The following FGF12 variants were observed in gnomAD, a reference collection of about 807,000 sequenced individuals.
FGF12 encodes the protein fibroblast growth factor 12B.
FGF12 carries 14 observed loss-of-function variants against 23.6 expected under a neutral mutation model. The ratio of observed to expected loss-of-function variants is 0.59; its 90% CI spans 0.39 to 0.93. FGF12 has a LOEUF of 0.93. Among genes scored for constraint, FGF12 ranks in the 40% least tolerant of loss-of-function variants. FGF12 has a pLI of 0.00. For missense variants in FGF12, 175 were observed against 217.8 expected, an observed-to-expected ratio of 0.80 and a Z score of 1.24; for synonymous variants, 62 against 77.3, an observed-to-expected ratio of 0.80 and a Z score of 1.04.
At chr3:192,246,929 A>G (rs770432128) in intron 4 of FGF12, among the ~76,000 whole-genome samples, 1 of 90,730 alleles carries the variant, frequency 1.1e-5, no homozygotes, top group Non-Finnish European at 1.8e-5. Context: ...AGAAAGAAAG[A>G]AAGAAGGAAA....
intron 4 of FGF12, among the ~76,000 whole-genome samples, chr3:192,331,098 G>A (rs1277081182): frequency 6.6e-6 from 1 of 151,978 alleles, no homozygotes; most frequent in Non-Finnish European, 1.5e-5. Flanking sequence ...TGACTAGCAG[G>A]TATGTTAAAA....
intron 4 of FGF12, among the ~76,000 whole-genome samples, chr3:192,290,588 A>G (rs1714702239): frequency 6.6e-6 from 1 of 152,196 alleles, no homozygotes; most frequent in African/African-American, 2.4e-5. Context: ...AACACCTAGC[A>G]TGCTACCTGA....
Position 192,360,416 on chromosome 3 carries a change from A to AT in FGF12, c.124+11_124+12insA. On this transcript the variant is annotated intron_variant, in intron 3 of 5. Transcript: ENST00000445105. This position sits in a 1 kb window ranked among gnomAD's most constrained non-coding sequence, Gnocchi z 4.3. ...ATTTGTAATCAGATTGTAAGAAGCT[A>AT]ATGTTTCTTACTGTAGTCGCTGTTT... 6.5e-7 allele frequency: 1 copy of AT among 1,527,808 alleles called. No homozygotes were observed. The allele number at this position is 1,527,808 out of a possible 1,614,324, so 94.6% of individuals were successfully genotyped here. A position where few individuals can be genotyped will look rare whatever the true frequency, so the allele number is the denominator to read the frequency against.
chr3:192,329,800 T>C (rs553544146), intron 4 of FGF12, among the ~76,000 whole-genome samples: 1 of 152,208 alleles, frequency 6.6e-6, no homozygotes, highest in Non-Finnish European at 1.5e-5. Context: ...TAAAAGGCAC[T>C]GTCTATGTAT....
intron 2 of FGF12, among the ~76,000 whole-genome samples, chr3:192,668,492 C>A (rs1237975919): frequency 1.3e-5 from 2 of 152,074 alleles, no homozygotes; most frequent in Non-Finnish European, 2.9e-5. Context: ...AGAGTTCTTC[C>A]CACTCTCCTA....
At chr3:192,275,540 C>G (rs906963445) in intron 4 of FGF12, among the ~76,000 whole-genome samples, 2 of 152,050 alleles carry the variant, frequency 1.3e-5, no homozygotes, top group Non-Finnish European at 2.9e-5. Context: ...GTAATTTTGT[C>G]TTTAGAATTA....
intron 2 of FGF12, among the ~76,000 whole-genome samples, chr3:192,703,385 A>T (rs1718366010): frequency 6.6e-6 from 1 of 152,226 alleles, no homozygotes; most frequent in Admixed American, 6.5e-5. Context: ...GCTAACAATC[A>T]TCTGAGCCTT....
rs147917439 is a variant in FGF12, at chr3:192,642,424, T to C, written c.13+84757A>G. On this transcript the variant is annotated intron_variant, in intron 2 of 5. Coordinates refer to ENST00000445105, the MANE Select transcript of FGF12 (RefSeq NM_004113.6). Reference sequence around the variant, plus strand: ...GATACAAGATAATCACAGCTGAGATTAGAGAAGCCAAAACATAATAAAGGA... The same window carrying C: ...GATACAAGATAATCACAGCTGAGATCAGAGAAGCCAAAACATAATAAAGGA... Among the ~76,000 whole-genome samples the C allele has an allele frequency of 7.2e-5, 11 of 152,270 alleles. No homozygotes were observed. In the East Asian group the frequency reaches 1.9e-3, roughly 27 times the overall value.
At chr3:192,257,479 G>A (rs4687302) in intron 4 of FGF12, among the ~76,000 whole-genome samples, 50,008 of 151,710 alleles carry the variant, frequency 0.33, 9,419 homozygotes, top group East Asian at 0.89. Flanking sequence ...GTAATTTCTC[G>A]GAAACCCTTA....
At chr3:192,559,824 A>T (rs559248928) in intron 2 of FGF12, among the ~76,000 whole-genome samples, 1 of 105,750 alleles carries the variant, frequency 9.5e-6, no homozygotes, top group Non-Finnish European at 1.9e-5. Flanking sequence ...CTCCTCTAAA[A>T]ACTAAAGTTC....
In FGF12 at chr3:192,360,567, T is replaced by G. The variant is rs1452376457; in HGVS notation, c.14-29A>C. 2 of 1,504,272 alleles carry G rather than the reference T, an allele frequency of 1.3e-6. No homozygotes were observed. The highest frequency in any genetic ancestry group is 1.7e-5 in the Admixed American group (1 of 59,772). The allele number at this position is 1,504,272 out of a possible 1,614,324, so 93.2% of individuals were successfully genotyped here. A position where few individuals can be genotyped will look rare whatever the true frequency, so the allele number is the denominator to read the frequency against. On this transcript the variant is annotated intron_variant, in intron 2 of 5. Coordinates refer to ENST00000445105, the MANE Select transcript of FGF12 (RefSeq NM_004113.6). The surrounding 1 kb of genome is among the most constrained non-coding windows in gnomAD (Gnocchi z 4.3). ...CAAAACAAAATAATTATTCAAATTT[T>G]TATTTGGCTTACACAAATGCACACT...
chr3:192,155,572 A>T (rs891015626), intron 5 of FGF12, among the ~76,000 whole-genome samples: 1 of 152,186 alleles, frequency 6.6e-6, no homozygotes, highest in Non-Finnish European at 1.5e-5. Flanking sequence ...ATAAATTAAG[A>T]ATTACTAATG....
intron 5 of FGF12, among the ~76,000 whole-genome samples, chr3:192,165,828 G>A (rs1275323807): frequency 6.6e-6 from 1 of 152,120 alleles, no homozygotes; most frequent in Non-Finnish European, 1.5e-5. Context: ...CAGAGGTTAC[G>A]TGACATCAGG....
At chr3:192,544,678 G>C (rs1725453120) in intron 2 of FGF12, among the ~76,000 whole-genome samples, 1 of 151,890 alleles carries the variant, frequency 6.6e-6, no homozygotes, top group African/African-American at 2.4e-5. Context: ...ATAGAAGTAG[G>C]GTCTGGATTT....
chr3:192,474,897 A>AAAG (rs747399419), intron 2 of FGF12, among the ~76,000 whole-genome samples: 316 of 149,182 alleles, frequency 2.1e-3, no homozygotes, highest in Middle Eastern at 3.4e-3. Context: ...AAAAAAAAAA[A>AAAG]AAAGAAAGAA....
intron 4 of FGF12, among the ~76,000 whole-genome samples, chr3:192,214,671 A>C (rs1718099018): frequency 6.6e-6 from 1 of 152,222 alleles, no homozygotes; most frequent in South Asian, 2.1e-4. Flanking sequence ...GCAAATTGGT[A>C]ATTGACATGT....
intron 2 of FGF12, among the ~76,000 whole-genome samples, chr3:192,560,391 T>C (rs955420786): frequency 6.6e-6 from 1 of 151,428 alleles, no homozygotes; most frequent in Non-Finnish European, 1.5e-5. Flanking sequence ...CAAACAATAT[T>C]GGAAAATTTA....
intron 4 of FGF12, among the ~76,000 whole-genome samples, chr3:192,225,197 G>A (rs571473244): frequency 2.0e-5 from 3 of 152,178 alleles, no homozygotes; most frequent in African/African-American, 7.2e-5. Flanking sequence ...TGAAATTATT[G>A]TTGCTTCTCT....
chr3:192,530,381 G>A (rs1577038608), intron 2 of FGF12, among the ~76,000 whole-genome samples: 1 of 152,164 alleles, frequency 6.6e-6, no homozygotes, highest in East Asian at 1.9e-4. Context: ...GTGCCTGCCA[G>A]ATCGTAGGTC....
Sources: allele counts gnomAD v4.1 joint callset (sites outside exome capture counted in the v4.1 genomes callset), GRCh38; gene constraint gnomAD v4.1.1; non-coding constraint Gnocchi (gnomAD v3.1); transcripts MANE v1.5; gene names NCBI Gene and HGNC (gene_info 2026-07-23, HGNC 2026-07-21).